CASK: variants seen among roughly 807,000 people sequenced by gnomAD.
The protein encoded by CASK is peripheral plasma membrane protein CASK.
CASK carries 4 observed loss-of-function variants against 82.9 expected under a neutral mutation model. The ratio of observed to expected loss-of-function variants is 0.05; its 90% confidence interval spans 0.02 to 0.11. The LOEUF is 0.11. Among genes scored for constraint, CASK ranks in the 10% least tolerant of loss-of-function variants. The probability of loss-of-function intolerance (pLI) is 1.00; values close to 1 mark genes in which losing one functional copy is unlikely to be tolerated. For missense variants in CASK, 358 were observed against 720.9 expected (o/e 0.50, Z 5.76); for synonymous variants, 259 against 253.5 (o/e 1.02, Z -0.20).
Position 41,613,364 on chromosome X carries a change from T to C in CASK, c.1034-3339A>G, listed in dbSNP as rs1320791003. ...CCTGTGCTCTCTGAAACATGTGCTG[T>C]GTCCACTCAGGGTTAAATGGATTAA... On this transcript the variant is annotated intron_variant, in intron 11 of 26. Coordinates refer to ENST00000378163, the MANE Select transcript of CASK (RefSeq NM_001367721.1). Among the ~76,000 whole-genome samples, 11 of 100,608 alleles carry C rather than the reference T, an allele frequency of 1.1e-4. No individual in the cohort carries two copies. The Middle Eastern group carries it at 0.014, about 133-fold the overall frequency. The allele number at this position is 100,608 out of a possible 115,157, so 87.4% of individuals were successfully genotyped here. A position where few individuals can be genotyped will look rare whatever the true frequency, so the allele number is the denominator to read the frequency against.
chrX:41,920,338 T>A (rs1397013454), intron 1 of CASK, among the ~76,000 whole-genome samples: 1 of 112,128 alleles, frequency 8.9e-6, no homozygotes, highest in African/African-American at 3.2e-5. Flanking sequence ...TCAAGGTCCC[T>A]GCAAGAAAAT....
chrX:41,560,007 C>A (rs183806348), intron 17 of CASK, among the ~76,000 whole-genome samples, 160 bp from the exon 18 acceptor site: 3 of 112,403 alleles, frequency 2.7e-5, no homozygotes, highest in Non-Finnish European at 5.6e-5. Flanking sequence ...AGGGACTGCT[C>A]GAGTTAACAG....
At chrX:41,831,804 C>CA (rs1395243890) in intron 2 of CASK, among the ~76,000 whole-genome samples, 1 of 109,711 alleles carries the variant, frequency 9.1e-6, no homozygotes, top group Non-Finnish European at 1.9e-5. Flanking sequence ...ACTAAAAATA[C>CA]AAAAAAATTA....
chrX:41,695,679 T>G (rs763728630), intron 5 of CASK: 1 of 1,202,306 alleles, frequency 8.3e-7, no homozygotes, highest in East Asian at 3.0e-5. Context: ...AGTCAGCAGC[T>G]GGCCTTACTC....
At chrX:41,866,846 G>A (rs1437523842) in intron 1 of CASK, among the ~76,000 whole-genome samples, 5 of 111,092 alleles carry the variant, frequency 4.5e-5, no homozygotes, top group African/African-American at 1.3e-4. Context: ...GAATTTTAGG[G>A]TCTCAAACAA....
At chrX:41,745,763 G>A (rs2068675821) in intron 3 of CASK, among the ~76,000 whole-genome samples, 162 bp from the exon 4 acceptor site, 1 of 111,923 alleles carries the variant, frequency 8.9e-6, no homozygotes. Context: ...AATTATAAAG[G>A]GCATGACAGT....
intron 9 of CASK, among the ~76,000 whole-genome samples, chrX:41,630,263 C>T (rs1279942260): frequency 9.0e-6 from 1 of 111,725 alleles, no homozygotes; most frequent in African/African-American, 3.2e-5. Flanking sequence ...AAGTGGAAAA[C>T]AAGAAAATGG....
At chrX:41,855,183 G>C (rs2071345921) in intron 1 of CASK, among the ~76,000 whole-genome samples, 1 of 111,376 alleles carries the variant, frequency 9.0e-6, no homozygotes, top group African/African-American at 3.3e-5. Flanking sequence ...AAAATTAATA[G>C]AGCTAGGGAG....
In CASK at chrX:41,586,920, T is replaced by G; in HGVS notation, c.1301A>C (p.Gln434Pro). The G allele has an allele frequency of 8.6e-7, 1 of 1,162,448 alleles. No homozygotes were observed. Among genetic ancestry groups the G allele is most frequent in the Non-Finnish European group, 1.2e-6 (1 of 851,245 alleles). ...ATTATTACTTACCATGAAATGAGGT[T>G]GTGTTAAAATACGCTTTAGTTCCTT... The part of the protein sequence containing the change: ...DAKELKRILT[Q>P]PHFMALLQTH... Residue 434 changes from glutamine to proline, a missense_variant, in exon 14 of 27, where the codon CAA (glutamine) becomes CCA (proline). By Grantham distance (76) the Gln-to-Pro change is moderately conservative. Transcript: ENST00000378163.
At chrX:41,592,221 GAA>G (rs764905417) in intron 12 of CASK, among the ~76,000 whole-genome samples, 6 of 57,083 alleles carry the variant, frequency 1.1e-4, no homozygotes, top group South Asian at 8.5e-4. Flanking sequence ...ACTTTGTCTC[GAA>G]AAAAAAAAAA....
chrX:41,900,663 T>C (rs1450647846), intron 1 of CASK, among the ~76,000 whole-genome samples: 2 of 106,199 alleles, frequency 1.9e-5, no homozygotes, highest in Non-Finnish European at 3.9e-5. Context: ...ATTATTTTCC[T>C]GATTTTGTTG....
intron 3 of CASK, among the ~76,000 whole-genome samples, chrX:41,758,459 A>G (rs934055723): frequency 3.6e-5 from 4 of 109,807 alleles, no homozygotes; most frequent in African/African-American, 1.3e-4. Flanking sequence ...AAAAGGAAAA[A>G]AAAAGAAAGT....
At chrX:41,610,179 T>C (rs1422939494) in intron 11 of CASK, among the ~76,000 whole-genome samples, 154 bp from the exon 12 acceptor site, 2 of 112,779 alleles carry the variant, frequency 1.8e-5, no homozygotes, top group Non-Finnish European at 3.7e-5. Flanking sequence ...ATGAGTTTCA[T>C]ATAATTTAAG....
chrX:41,762,032 G>A (rs747465814), intron 3 of CASK, among the ~76,000 whole-genome samples: 1 of 112,164 alleles, frequency 8.9e-6, no homozygotes, highest in Admixed American at 9.5e-5. Context: ...TGCTTTACAA[G>A]TAGTAACTTA....
chrX:41,637,178 C>G (rs2066569145), intron 8 of CASK, among the ~76,000 whole-genome samples: 1 of 108,514 alleles, frequency 9.2e-6, no homozygotes, highest in Non-Finnish European at 1.9e-5. Flanking sequence ...GTCTCAAACT[C>G]CTGAGCTCAA....
At chrX:41,771,522 A>C (rs17146133) in intron 3 of CASK, among the ~76,000 whole-genome samples, 2,357 of 111,905 alleles carry the variant, frequency 0.021, 64 homozygotes, top group African/African-American at 0.072. Flanking sequence ...ATTTAAATAC[A>C]TGAAAAACAT....
At chrX:41,791,615 C>G (rs2147842680) in intron 2 of CASK, among the ~76,000 whole-genome samples, 1 of 107,953 alleles carries the variant, frequency 9.3e-6, no homozygotes, top group South Asian at 4.2e-4. Context: ...CCCAGCTACT[C>G]GGGAGGCTGA....
At chrX:41,732,178 T>C (rs1259531217) in intron 5 of CASK, among the ~76,000 whole-genome samples, 2 of 110,704 alleles carry the variant, frequency 1.8e-5, no homozygotes, top group Non-Finnish European at 3.8e-5. Context: ...AAATTTGGGG[T>C]TTCAGGAATC....
chrX:41,764,298 C>T (rs2069066705), intron 3 of CASK, among the ~76,000 whole-genome samples: 1 of 109,537 alleles, frequency 9.1e-6, no homozygotes, highest in Non-Finnish European at 1.9e-5. Context: ...CTAGCTATTC[C>T]TCCTTTTCTA....
Sources: allele counts gnomAD v4.1 joint callset (sites outside exome capture counted in the v4.1 genomes callset), GRCh38; gene constraint gnomAD v4.1.1; transcripts MANE v1.5; gene names NCBI Gene and HGNC (gene_info 2026-07-23, HGNC 2026-07-21).